Variants in SRRT observed in about 807,000 individuals in gnomAD.
SRRT encodes serrate, RNA effector molecule, also known as serrate RNA effector molecule homolog.
Under a neutral mutation model 103.2 loss-of-function variants are expected in SRRT, and 32 were observed. That is an observed-to-expected ratio of 0.31 (90% CI 0.23 to 0.42). The LOEUF (loss-of-function observed/expected upper bound fraction) is 0.42, where lower values mean the gene tolerates loss of function less well. Among genes scored for constraint, SRRT ranks in the 10% least tolerant of loss-of-function variants. SRRT has a pLI of 1.00. For synonymous variants in SRRT, 525 were observed against 449.0 expected, an observed-to-expected ratio of 1.17 and a Z score of -2.14; for missense variants, 986 against 1,207.5, an observed-to-expected ratio of 0.82 and a Z score of 2.72.
rs1323411208 is a variant in SRRT, at chr7:100,875,158, C to G, written c.-189C>G. 5.9e-6 allele frequency: 1 copy of G among 169,884 alleles called. No homozygotes were observed. Among genetic ancestry groups the G allele is most frequent in the African/African-American group, 2.4e-5 (1 of 41,578 alleles). 10.5% of individuals were successfully genotyped at this position (169,884 alleles called of 1,614,324 possible). A position where few individuals can be genotyped will look rare whatever the true frequency, so the allele number is the denominator to read the frequency against. The stretch of plus-strand genomic sequence containing the variant: ...GCAGGCGCAGCGCGGGCTGCGCGCG[C>G]TACTGCCCATCCCCGGTTGTCCCAC... On this transcript the variant is annotated 5_prime_UTR_variant, in exon 1 of 20. Coordinates refer to ENST00000611405, the MANE Select transcript of SRRT (RefSeq NM_015908.6).
At position 100,881,321 on chromosome 7, in the gene SRRT, T is replaced by C. The variant is rs1816298283; in HGVS notation, c.159T>C (p.Gly53=). ...WDRGRERRSR[G]EYRDYDRNRR... ...GTGGCCGTGAGCGCCGTAGTCGGGG[T>C]GAATATCGGGACTATGACCGGAATC... The change falls in exon 3 of 20, where the codon GGT becomes GGC. Residue 53 remains glycine (G), a synonymous_variant. Coordinates refer to ENST00000611405, the MANE Select transcript of SRRT (RefSeq NM_015908.6). The C allele has an allele frequency of 1.2e-6, 2 of 1,613,322 alleles. No individual in the cohort carries two copies. The highest frequency in any genetic ancestry group is 2.7e-5 in the African/African-American group (2 of 74,914).
In SRRT at chr7:100,884,111, G is replaced by A. The variant is rs777364262; in HGVS notation, c.629G>A (p.Arg210Gln). 8 of 1,609,072 alleles carry A rather than the reference G, an allele frequency of 5.0e-6. No individual in the cohort carries two copies. The highest frequency in any genetic ancestry group is 6.8e-6 in the Non-Finnish European group (8 of 1,178,730). ...KYHPDEVGKR[R>Q]QEARGALQNR... ...CACCCAGATGAGGTGGGGAAGCGTC[G>A]GCAGGAGGCCCGGGGGGCCCTGCAA... The change falls in exon 6 of 20, where the codon CGG (arginine) becomes CAG (glutamine). Residue 210 changes from arginine to glutamine, a missense_variant. This residue lies in a region of SRRT where 274 missense variants were observed against 358.5 expected (regional missense o/e 0.76). Coordinates refer to ENST00000611405, the MANE Select transcript of SRRT (RefSeq NM_015908.6).
chr7:100,879,790 CG>C (rs1816107066), intron 2 of SRRT, among the ~76,000 whole-genome samples: 1 of 140,524 alleles, frequency 7.1e-6, no homozygotes, highest in Non-Finnish European at 1.5e-5. Context: ...CCAGCCTGAG[CG>C]ACAGAGTGAG....
At position 100,885,851 on chromosome 7, in the gene SRRT, T is replaced by C. The variant is rs1790041081; in HGVS notation, c.1380-12T>C. ...CTCGCTTGACTATGCTAACATTTTCTTTCTTGTGTAGGTTTTTCCGTCGTG... is the reference window on the plus strand; with the variant it reads ...CTCGCTTGACTATGCTAACATTTTCCTTCTTGTGTAGGTTTTTCCGTCGTG... On this transcript the variant is annotated splice_polypyrimidine_tract_variant and intron_variant, in intron 11 of 19. Transcript: ENST00000611405. This position sits in a 1 kb window ranked among gnomAD's most constrained non-coding sequence, Gnocchi z 4.8. 3.1e-6 allele frequency: 5 copies of C among 1,614,146 alleles called. No homozygotes were observed. The highest frequency in any genetic ancestry group is 4.2e-6 in the Non-Finnish European group (5 of 1,180,024).
intron 2 of SRRT, among the ~76,000 whole-genome samples, chr7:100,880,496 T>A (rs1045795227): frequency 6.6e-6 from 1 of 151,958 alleles, no homozygotes; most frequent in African/African-American, 2.4e-5. Flanking sequence ...TAGTAGAGAC[T>A]GGGTTTCACC....
At position 100,887,916 on chromosome 7, in the gene SRRT, C is replaced by T. The variant is rs988745407; in HGVS notation, c.2326+57C>T. ...CCTCTTCCTTGACTACCCAGGGACT[C>T]CTGTTTCTCTTTAACGTGTCACCCC... On this transcript the variant is annotated intron_variant, in intron 17 of 19. Transcript: ENST00000611405. The surrounding 1 kb of genome is among the most constrained non-coding windows in gnomAD (Gnocchi z 4.1). 3.8e-6 allele frequency: 6 copies of T among 1,565,462 alleles called. No homozygotes were observed. The highest frequency in any genetic ancestry group is 5.2e-6 in the Non-Finnish European group (6 of 1,151,706).
intron 7 of SRRT, 36 bp downstream of exon 7, chr7:100,884,588 A>C: frequency 1.7e-6 from 1 of 584,590 alleles, no homozygotes; most frequent in Non-Finnish European, 2.9e-6. Context: ...TGTCCCTGGC[A>C]GCCTGGGGGA....
In SRRT at chr7:100,881,757, A is replaced by C. The variant is rs1584742583; in HGVS notation, c.350A>C (p.His117Pro). ...TATGGCCCCCCTCAGCCCTGGGGCC[A>C]CCCTGACGTCCACATCATGCAGCAC... ...PTYGPPQPWG[H>P]PDVHIMQHHV... The change falls in exon 4 of 20, where the codon CAC (histidine) becomes CCC (proline). Residue 117 changes from histidine to proline, a missense_variant. Coordinates refer to ENST00000611405, the MANE Select transcript of SRRT (RefSeq NM_015908.6). 1 of 1,613,516 alleles carries C rather than the reference A, an allele frequency of 6.2e-7. No individual in the cohort carries two copies.
chr7:100,884,292 G>A (rs1789865498), intron 6 of SRRT, 53 bp downstream of exon 6: 1 of 1,610,514 alleles, frequency 6.2e-7, no homozygotes, highest in Non-Finnish European at 8.5e-7. Flanking sequence ...GGGTGGGGGT[G>A]TCTGGGGATC....
At chr7:100,877,842 G>A (rs1815897407) in intron 2 of SRRT, among the ~76,000 whole-genome samples, 1 of 152,128 alleles carries the variant, frequency 6.6e-6, no homozygotes, top group African/African-American at 2.4e-5. Flanking sequence ...GTGATTGAGT[G>A]AGCTGAACTA....
At chr7:100,879,875 TTGGTGACTGGTGGAGAGGC>T (rs933237562) in intron 2 of SRRT, among the ~76,000 whole-genome samples, 5 of 148,312 alleles carry the variant, frequency 3.4e-5, no homozygotes, top group East Asian at 2.0e-4. Flanking sequence ...GGTTGGGAGG[TTGGTGACTGGTGGAGAGGC>T]TGGTGACTGG....
rs185805997 is a variant in SRRT at position 100,888,614 on chromosome 7, A to G, written c.*65A>G. 18 of 1,604,630 alleles carry G rather than the reference A, an allele frequency of 1.1e-5. No homozygotes were observed. The Admixed American group carries it at 1.8e-4, about 16-fold the overall frequency. The stretch of plus-strand genomic sequence containing the variant: ...TACTACCTTGTCCTATGAAGCTCTG[A>G]GAATTTTTTGTACGATCAGCCTTAC... On this transcript the variant is annotated 3_prime_UTR_variant, in exon 20 of 20. Coordinates refer to ENST00000611405, the MANE Select transcript of SRRT (RefSeq NM_015908.6).
In SRRT at chr7:100,882,280, G is replaced by A; in HGVS notation, c.587+39G>A. 1.2e-6 allele frequency: 2 copies of A among 1,600,762 alleles called. No homozygotes were observed. Among genetic ancestry groups the A allele is most frequent in the Non-Finnish European group, 1.7e-6 (2 of 1,171,664 alleles). ...CTTCCCTGGACCTCTGCCCTGGCATGTCCCCCTGGCCCCGCTGGTGGAGCC... is the reference window on the plus strand; with the variant it reads ...CTTCCCTGGACCTCTGCCCTGGCATATCCCCCTGGCCCCGCTGGTGGAGCC... On this transcript the variant is annotated intron_variant, in intron 5 of 19. Coordinates refer to ENST00000611405, the MANE Select transcript of SRRT (RefSeq NM_015908.6). This position sits in a 1 kb window ranked among gnomAD's most constrained non-coding sequence, Gnocchi z 4.2.
rs937045698 is a variant in SRRT at position 100,886,126 on chromosome 7, G to A, written c.1459-121G>A. ...CATGGACGGAACCTATGTGGTCCCC[G>A]TCCCCAGGGAGCTCGCAGTCTGATC... is the stretch of plus-strand genomic sequence containing the variant. On this transcript the variant is annotated intron_variant, in intron 12 of 19. Coordinates refer to ENST00000611405, the MANE Select transcript of SRRT (RefSeq NM_015908.6). 9 of 1,301,292 alleles carry A rather than the reference G, an allele frequency of 6.9e-6. No individual in the cohort carries two copies. In the African/African-American group the frequency reaches 8.8e-5, roughly 13 times the overall value. The allele number at this position is 1,301,292 out of a possible 1,614,324, so 80.6% of individuals were successfully genotyped here. A position where few individuals can be genotyped will look rare whatever the true frequency, so the allele number is the denominator to read the frequency against.
chr7:100,886,901 C>T lies in SRRT; in HGVS notation c.1754C>T (p.Pro585Leu), dbSNP rs1452805928. ...CTGGGGAGCAGCGGGGGCGCTCCTC[C>T]TGAGGAGCCTCCTAAGGAAGGGAAC... is the stretch of plus-strand genomic sequence containing the variant. ...ELLGSSGGAP[P>L]EEPPKEGNPA... Residue 585 changes from proline (P) to leucine (L), a missense_variant, in exon 14 of 20, where the codon CCT becomes CTT. By Grantham distance (98) the Pro-to-Leu change is moderately conservative (BLOSUM62 -3). Transcript: ENST00000611405. 4.3e-6 allele frequency: 7 copies of T among 1,613,928 alleles called. No individual in the cohort carries two copies. Among genetic ancestry groups the T allele is most frequent in the East Asian group, 2.2e-5 (1 of 44,866 alleles).
In SRRT at chr7:100,884,795, A is replaced by C; in HGVS notation, c.998A>C (p.Asp333Ala). 6.2e-7 allele frequency: 1 copy of C among 1,614,030 alleles called. No homozygotes were observed. Among genetic ancestry groups the C allele is most frequent in the Non-Finnish European group, 8.5e-7 (1 of 1,179,982 alleles). ...DKTKKSEGDG[D>A]KEEKKEDSEK... is the part of the protein sequence containing the mutation. Reference sequence around the variant, plus strand: ...ACAAAGAAGTCGGAGGGTGATGGGGACAAGGAAGAGAAGAAAGAAGACTCC... The same window carrying C: ...ACAAAGAAGTCGGAGGGTGATGGGGCCAAGGAAGAGAAGAAAGAAGACTCC... The change falls in exon 8 of 20, where the codon GAC becomes GCC. Residue 333 changes from aspartate (D) to alanine (A), a missense_variant. Coordinates refer to ENST00000611405, the MANE Select transcript of SRRT (RefSeq NM_015908.6).
chr7:100,875,330 T>TG lies in SRRT; in HGVS notation c.-19+7dup, dbSNP rs1815562638. On this transcript the variant is annotated splice_region_variant and intron_variant, in intron 1 of 19. Coordinates refer to ENST00000611405, the MANE Select transcript of SRRT (RefSeq NM_015908.6). ...TCCAACGGCCGCGGCCGCACCAAGG[T>TG]GGGGGAGGGGAGGAGCCTGGGGGGC... 3 of 1,125,576 alleles carry TG rather than the reference T, an allele frequency of 2.7e-6. No individual in the cohort carries two copies. Among genetic ancestry groups the TG allele is most frequent in the Non-Finnish European group, 3.3e-6 (3 of 903,702 alleles). The allele number at this position is 1,125,576 out of a possible 1,614,324, so 69.7% of individuals were successfully genotyped here.
chr7:100,881,148 G>A lies in SRRT; in HGVS notation c.123-137G>A, dbSNP rs553265699. On this transcript the variant is annotated intron_variant, in intron 2 of 19. Transcript: ENST00000611405. ...TTGTAGGGATGGCGGGGGGCGGGGG[G>A]GGGTCTCACTATTGCCCAGGTTGGT... 68 of 791,104 alleles carry A rather than the reference G, an allele frequency of 8.6e-5. No homozygotes were observed. In the Middle Eastern group the frequency reaches 1.4e-3, roughly 16 times the overall value. 49.0% of individuals were successfully genotyped at this position (791,104 alleles called of 1,614,324 possible).
chr7:100,888,340 G>T lies in SRRT; in HGVS notation c.2512G>T (p.Ala838Ser), dbSNP rs777143598. ...PYGAGRGNYD[A>S]FRGQGGYPGK... ...TGGTGCTGGTCGAGGGAACTATGAT[G>T]CCTTCCGAGGCCAGGGAGGTTATCC... Residue 838 changes from alanine to serine, a missense_variant, in exon 19 of 20, where the codon GCC becomes TCC. Physicochemically the swap from Ala to Ser is moderately conservative, Grantham distance 99. Coordinates refer to ENST00000611405, the MANE Select transcript of SRRT (RefSeq NM_015908.6). 45 of 1,613,990 alleles carry T rather than the reference G, an allele frequency of 2.8e-5. No individual in the cohort carries two copies. The highest frequency in any genetic ancestry group is 3.6e-5 in the Non-Finnish European group (42 of 1,179,986).
Sources: gnomAD v4.1 joint callset for allele counts (sites outside exome capture counted in the v4.1 genomes callset) on GRCh38, gnomAD v4.1.1 for gene constraint, gnomAD v4.1.1 regional missense constraint, Gnocchi (gnomAD v3.1) non-coding constraint, MANE v1.5 for transcripts, NCBI Gene and HGNC (gene_info 2026-07-23, HGNC 2026-07-21) for gene names.